SDK1: variants seen among roughly 807,000 people sequenced by gnomAD.
SDK1 encodes the protein sidekick cell adhesion molecule 1.
Under a neutral mutation model 245.5 loss-of-function variants are expected in SDK1, and 157 were observed. The ratio of observed to expected loss-of-function variants is 0.64; its 90% CI spans 0.56 to 0.73. SDK1 has a LOEUF of 0.73. SDK1 is among the 30% of genes least tolerant of loss of function. The pLI, the probability that SDK1 is intolerant of heterozygous loss-of-function variation, is 0.00. For synonymous variants in SDK1, 1,647 were observed against 1,278.5 expected, an observed-to-expected ratio of 1.29 and a Z score of -6.15; for missense variants, 3,583 against 3,002.3, an observed-to-expected ratio of 1.19 and a Z score of -4.52.
chr7:3,771,752 TAC>T (rs1780410172), intron 4 of SDK1, among the ~76,000 whole-genome samples: 1 of 152,178 alleles, frequency 6.6e-6, no homozygotes, highest in Admixed American at 6.6e-5. Context: ...TGTGGTAAAA[TAC>T]AGATAATCAA....
chr7:4,225,806 A>G (rs1488862676), intron 40 of SDK1, among the ~76,000 whole-genome samples: 2 of 152,118 alleles, frequency 1.3e-5, no homozygotes, highest in Admixed American at 1.3e-4. Context: ...AGATGTGACA[A>G]CAGACTTATC....
chr7:3,642,183 C>A, intron 4 of SDK1, 78 bp downstream of exon 4: 3 of 1,364,054 alleles, frequency 2.2e-6, no homozygotes, highest in Non-Finnish European at 2.0e-6. Context: ...GTAAGTGTAC[C>A]AATTAAGGTT....
chr7:3,478,663 G>A (rs1305747418), intron 1 of SDK1, among the ~76,000 whole-genome samples: 1 of 151,936 alleles, frequency 6.6e-6, no homozygotes, highest in Non-Finnish European at 1.5e-5. Flanking sequence ...AGAATCAAAG[G>A]TTTTATTGAA....
intron 1 of SDK1, among the ~76,000 whole-genome samples, chr7:3,410,721 G>T (rs575483873): frequency 2.2e-4 from 34 of 151,780 alleles, no homozygotes; most frequent in Middle Eastern, 3.4e-3. Flanking sequence ...TAAGTAGCTG[G>T]GGTTACAGGC....
intron 28 of SDK1, among the ~76,000 whole-genome samples, chr7:4,145,386 A>G (rs549076800): frequency 2.6e-5 from 4 of 152,136 alleles, no homozygotes; most frequent in Admixed American, 2.0e-4. Context: ...AGGGAGAGGC[A>G]GAGACTGAGA....
At chr7:3,708,012 G>A (rs1333243791) in intron 4 of SDK1, among the ~76,000 whole-genome samples, 2 of 151,984 alleles carry the variant, frequency 1.3e-5, no homozygotes, top group African/African-American at 4.8e-5. Flanking sequence ...TTTTTAAAAA[G>A]AGGTTTAGAT....
chr7:3,988,402 T>C (rs989754671), intron 14 of SDK1, among the ~76,000 whole-genome samples: 1 of 152,044 alleles, frequency 6.6e-6, no homozygotes, highest in African/African-American at 2.4e-5. Context: ...CCCTGTTTCC[T>C]CATCCAAACC....
intron 5 of SDK1, among the ~76,000 whole-genome samples, chr7:3,936,921 G>C (rs974135732): frequency 6.6e-6 from 1 of 152,176 alleles, no homozygotes; most frequent in African/African-American, 2.4e-5. Context: ...GAGGAGGGCA[G>C]AGGGGAATGT....
intron 5 of SDK1, among the ~76,000 whole-genome samples, chr7:3,938,474 C>G (rs991521599): frequency 6.6e-6 from 1 of 151,910 alleles, no homozygotes; most frequent in African/African-American, 2.4e-5. Flanking sequence ...AACCCTGTCT[C>G]TACTAAAAAT....
chr7:3,554,903 C>T (rs887778766), intron 1 of SDK1, among the ~76,000 whole-genome samples: 1 of 151,938 alleles, frequency 6.6e-6, no homozygotes, highest in Non-Finnish European at 1.5e-5. Context: ...GTAAGGAAAA[C>T]TATAAAACTT....
chr7:3,854,094 A>G (rs1780482607), intron 5 of SDK1, among the ~76,000 whole-genome samples: 1 of 152,122 alleles, frequency 6.6e-6, no homozygotes, highest in Non-Finnish European at 1.5e-5. Flanking sequence ...ATTTGAGAGT[A>G]TGGAATAGGG....
At chr7:3,607,145 A>C (rs1177216753) in intron 1 of SDK1, among the ~76,000 whole-genome samples, 1 of 151,254 alleles carries the variant, frequency 6.6e-6, no homozygotes, top group African/African-American at 2.4e-5. Context: ...TACACAAAGG[A>C]AGGCCCTTTT....
intron 5 of SDK1, among the ~76,000 whole-genome samples, chr7:3,852,883 C>G (rs943974741): frequency 6.6e-6 from 1 of 150,932 alleles, no homozygotes; most frequent in Non-Finnish European, 1.5e-5. Context: ...CCATAATAGT[C>G]ACCCACCCCC....
intron 4 of SDK1, among the ~76,000 whole-genome samples, chr7:3,644,817 C>T (rs1197270068): frequency 2.9e-5 from 4 of 137,354 alleles, no homozygotes; most frequent in Admixed American, 7.5e-5. Context: ...AACGGCGGGG[C>T]AGGGGGTGGC....
chr7:4,241,196 C>T (rs1269285284), intron 42 of SDK1, among the ~76,000 whole-genome samples: 2 of 152,194 alleles, frequency 1.3e-5, no homozygotes, highest in East Asian at 1.9e-4. Context: ...CTAGAACGTT[C>T]GTGTCACCTC....
chr7:4,147,249 T>C (rs996864249), intron 29 of SDK1, among the ~76,000 whole-genome samples: 1 of 152,146 alleles, frequency 6.6e-6, no homozygotes, highest in South Asian at 2.1e-4. Context: ...TATGTGATCA[T>C]AGGTCACCGC....
intron 1 of SDK1, among the ~76,000 whole-genome samples, chr7:3,377,636 A>C (rs1359185650): frequency 1.3e-5 from 2 of 151,890 alleles, no homozygotes; most frequent in Non-Finnish European, 2.9e-5. Flanking sequence ...CTCAAGCCCT[A>C]ATGTCCACAC....
At chr7:3,706,644 C>T (rs1220972786) in intron 4 of SDK1, among the ~76,000 whole-genome samples, 1 of 152,160 alleles carries the variant, frequency 6.6e-6, no homozygotes, top group Non-Finnish European at 1.5e-5. Context: ...CCTCGTGATC[C>T]ACCCACTTTG....
At chr7:4,209,980 A>G (rs201520847) in intron 37 of SDK1, 45 bp from the exon 38 acceptor site, 4 of 1,499,944 alleles carry the variant, frequency 2.7e-6, no homozygotes, top group African/African-American at 2.8e-5. Flanking sequence ...TATATGATCT[A>G]TGTAGGAGCC....
Sources: gnomAD v4.1 joint callset for allele counts (sites outside exome capture counted in the v4.1 genomes callset) on GRCh38, gnomAD v4.1.1 for gene constraint, MANE v1.5 for transcripts, NCBI Gene and HGNC (gene_info 2026-07-23, HGNC 2026-07-21) for gene names.